PRKAR1A: variants seen among roughly 807,000 people sequenced by gnomAD.
The protein encoded by PRKAR1A is cAMP-dependent protein kinase type I-alpha regulatory subunit.
PRKAR1A carries 3 observed loss-of-function variants against 52.0 expected under a neutral mutation model. The ratio of observed to expected loss-of-function variants is 0.06; its 90% CI spans 0.03 to 0.15. PRKAR1A has a LOEUF of 0.15. PRKAR1A is among the 10% of genes least tolerant of loss of function. The probability of loss-of-function intolerance (pLI) is 1.00; values close to 1 mark genes in which losing one functional copy is unlikely to be tolerated. For synonymous variants in PRKAR1A, 188 were observed against 168.4 expected, an observed-to-expected ratio of 1.12 and a Z score of -0.90; for missense variants, 240 against 477.4, an observed-to-expected ratio of 0.50 and a Z score of 4.63.
At position 68,530,258 on chromosome 17, in the gene PRKAR1A, C is replaced by T. The variant is rs79750180; in HGVS notation, c.974-19C>T. On this transcript the variant is annotated intron_variant, in intron 10 of 10. Transcript: ENST00000589228. ...TTTTTCATAGAAGTTAGCCTGTTAC[C>T]CATCTTTGCTTTCTCCAGGTGAAAT... 1.4e-4 allele frequency: 230 copies of T among 1,613,556 alleles called. 3 individuals carry two copies. The highest frequency in any genetic ancestry group is 1.2e-3 in the Middle Eastern group (7 of 6,078).
chr17:68,518,527 TA>T (rs2085502020), intron 2 of PRKAR1A, among the ~76,000 whole-genome samples: 1 of 152,214 alleles, frequency 6.6e-6, no homozygotes, highest in African/African-American at 2.4e-5. Flanking sequence ...CTGTACCTTT[TA>T]GCCAAGACTG....
chr17:68,431,630 G>T, the PRKAR1A span, among the ~76,000 whole-genome samples: 1 of 66,062 alleles, frequency 1.5e-5, no homozygotes, highest in Non-Finnish European at 3.1e-5. Context: ...AAAGAGACTG[G>T]AAAGTCAGAC....
At chr17:68,436,243 CCTT>C in the PRKAR1A span, 3 of 742,490 alleles carry the variant, frequency 4.0e-6, no homozygotes, top group Non-Finnish European at 6.9e-6. Flanking sequence ...AATAGTATCA[CCTT>C]CTCTTGAACA....
chr17:68,445,975 C>G, the PRKAR1A span, among the ~76,000 whole-genome samples: 1 of 152,124 alleles, frequency 6.6e-6, no homozygotes, highest in African/African-American at 2.4e-5. Flanking sequence ...CACACTGAGG[C>G]TCAAGAACCA....
chr17:68,456,077 A>G, the PRKAR1A span, among the ~76,000 whole-genome samples: 2 of 152,232 alleles, frequency 1.3e-5, no homozygotes, highest in African/African-American at 4.8e-5. Context: ...AAAATTGCAC[A>G]TGATATTTTG....
At chr17:68,514,489 T>C (rs1370766692) in intron 1 of PRKAR1A, among the ~76,000 whole-genome samples, 1 of 152,244 alleles carries the variant, frequency 6.6e-6, no homozygotes, top group Non-Finnish European at 1.5e-5. Context: ...CTGCTCATCA[T>C]TATCTCTGTT....
At chr17:68,482,153 A>G in the PRKAR1A span, among the ~76,000 whole-genome samples, 2 of 152,238 alleles carry the variant, frequency 1.3e-5, no homozygotes, top group African/African-American at 4.8e-5. Context: ...GAATTTTGAA[A>G]GATGAGTGGC....
At chr17:68,499,457 T>C in the PRKAR1A span, among the ~76,000 whole-genome samples, 1 of 151,388 alleles carries the variant, frequency 6.6e-6, no homozygotes, top group African/African-American at 2.4e-5. Context: ...TGAGAAAATA[T>C]TCAGAAATTG....
At chr17:68,471,663 G>A in the PRKAR1A span, among the ~76,000 whole-genome samples, 2 of 152,178 alleles carry the variant, frequency 1.3e-5, no homozygotes, top group Non-Finnish European at 2.9e-5. Flanking sequence ...CGCCAGGGAT[G>A]TCCCTGTAGT....
the PRKAR1A span, chr17:68,425,802 A>T: frequency 2.7e-6 from 1 of 368,804 alleles, no homozygotes; most frequent in Non-Finnish European, 4.9e-6. Flanking sequence ...AAGGGATCGC[A>T]GGCCTCTGGC....
the PRKAR1A span, among the ~76,000 whole-genome samples, chr17:68,496,818 C>CTTTTTTT: frequency 5.2e-4 from 47 of 91,218 alleles, 2 homozygotes; most frequent in Admixed American, 5.9e-4. Flanking sequence ...TTAGTTTTTA[C>CTTTTTTT]TTTTTTTTTT....
the PRKAR1A span, among the ~76,000 whole-genome samples, chr17:68,458,692 G>A: frequency 2.7e-4 from 41 of 152,338 alleles, no homozygotes; most frequent in East Asian, 4.6e-3. Flanking sequence ...TACTGTACAT[G>A]TTCCCATGCG....
the PRKAR1A span, among the ~76,000 whole-genome samples, chr17:68,438,026 A>G: frequency 6.7e-6 from 1 of 150,274 alleles, no homozygotes; most frequent in Admixed American, 6.7e-5. Context: ...TTCTAAAAGT[A>G]TAAGAAAAAA....
At chr17:68,431,225 T>C in the PRKAR1A span, among the ~76,000 whole-genome samples, 1 of 152,150 alleles carries the variant, frequency 6.6e-6, no homozygotes. Context: ...AGGCAGGAGC[T>C]AGTCCAGGAC....
At chr17:68,517,170 A>G (rs570744257) in intron 2 of PRKAR1A, among the ~76,000 whole-genome samples, 7 of 152,360 alleles carry the variant, frequency 4.6e-5, no homozygotes, top group African/African-American at 1.7e-4. Context: ...TAATAATTAA[A>G]GTCACAGTTC....
chr17:68,513,255 C>T (rs934017451), intron 1 of PRKAR1A: 1 of 152,194 alleles, frequency 6.6e-6, no homozygotes, highest in Admixed American at 6.5e-5. Context: ...TCCTGCCCTT[C>T]TTCTAGAAAA....
the PRKAR1A span, among the ~76,000 whole-genome samples, chr17:68,460,129 A>ATT: frequency 6.6e-6 from 1 of 151,404 alleles, no homozygotes. Flanking sequence ...TCAGATTTTA[A>ATT]TTTTTTTTTA....
At chr17:68,491,648 G>A in the PRKAR1A span, among the ~76,000 whole-genome samples, 4 of 152,156 alleles carry the variant, frequency 2.6e-5, no homozygotes, top group African/African-American at 9.7e-5. Context: ...TGCAAAAAGA[G>A]CAGACCTCGG....
chr17:68,481,904 G>T, the PRKAR1A span, among the ~76,000 whole-genome samples: 1 of 152,232 alleles, frequency 6.6e-6, no homozygotes, highest in Non-Finnish European at 1.5e-5. Flanking sequence ...AGACATATGT[G>T]TGTCGAGTGC....
Sources: gnomAD v4.1 joint callset for allele counts (sites outside exome capture counted in the v4.1 genomes callset) on GRCh38, gnomAD v4.1.1 for gene constraint, MANE v1.5 for transcripts, NCBI Gene and HGNC (gene_info 2026-07-23, HGNC 2026-07-21) for gene names.